Variants in MED13 observed in about 807,000 individuals in gnomAD.
MED13 encodes the protein mediator of RNA polymerase II transcription subunit 13.
Under a neutral mutation model 225.2 loss-of-function variants are expected in MED13, and 23 were observed. The observed-to-expected ratio is 0.10, with a 90% CI of 0.07 to 0.14. The LOEUF is 0.14. MED13 is among the 10% of genes least tolerant of loss of function. MED13 has a pLI of 1.00. For missense variants in MED13, 2,197 were observed against 2,594.5 expected (o/e 0.85, Z 3.33); for synonymous variants, 942 against 889.2 (o/e 1.06, Z -1.06).
At chr17:62,006,113 C>A (rs1023879266) in intron 9 of MED13, 5 of 151,796 alleles carry the variant, frequency 3.3e-5, no homozygotes, top group Non-Finnish European at 7.4e-5. Flanking sequence ...AAGTTCACAG[C>A]CTACAATATG....
intron 3 of MED13, 117 bp from the exon 4 acceptor site, chr17:62,035,725 C>A: frequency 1.1e-6 from 1 of 938,972 alleles, no homozygotes; most frequent in Non-Finnish European, 1.5e-6. Flanking sequence ...AAAAATTCTA[C>A]TTCATCAGAA....
chr17:61,945,632 CCAT>C lies in MED13; in HGVS notation c.*833_*835del, dbSNP rs1231781561. ...ACCTAACAATACCACTTGTATATTG[CCAT>C]CATGTTATTCTGTAAAGATGTGATA... is the stretch of plus-strand genomic sequence containing the variant. On this transcript the variant is annotated 3_prime_UTR_variant, in exon 30 of 30. Coordinates refer to ENST00000397786, the MANE Select transcript of MED13 (RefSeq NM_005121.3). The C allele has an allele frequency of 5.9e-5, 9 of 152,490 alleles. No homozygotes were observed. The highest frequency in any genetic ancestry group is 2.2e-4 in the African/African-American group (9 of 41,396). The allele number at this position is 152,490 out of a possible 1,614,324, so 9.4% of individuals were successfully genotyped here.
chr17:62,026,292 A>T (rs1021143471), intron 8 of MED13, among the ~76,000 whole-genome samples: 2 of 152,142 alleles, frequency 1.3e-5, no homozygotes, highest in African/African-American at 2.4e-5. Context: ...TCTTCTACCA[A>T]TCATTCAACC....
At chr17:62,008,257 G>A (rs1485203929) in intron 9 of MED13, among the ~76,000 whole-genome samples, 1 of 146,216 alleles carries the variant, frequency 6.8e-6, no homozygotes, top group Non-Finnish European at 1.5e-5. Context: ...GGCGGAGCTT[G>A]CAGTGAGCAG....
At position 61,944,219 on chromosome 17, in the gene MED13, A is replaced by G. The variant is rs1361537919; in HGVS notation, c.*2249T>C. ...CCTGTCAGGGAATAATTTTAAATCT[A>G]CTTTCAAATTGAGGTGTGGTTATCA... is the stretch of plus-strand genomic sequence containing the variant. On this transcript the variant is annotated 3_prime_UTR_variant, in exon 30 of 30. Transcript: ENST00000397786. 1.3e-5 allele frequency: 2 copies of G among 152,548 alleles called. No homozygotes were observed. The highest frequency in any genetic ancestry group is 4.8e-5 in the African/African-American group (2 of 41,426). The allele number at this position is 152,548 out of a possible 1,614,324, so 9.4% of individuals were successfully genotyped here. A position where few individuals can be genotyped will look rare whatever the true frequency, so the allele number is the denominator to read the frequency against.
chr17:61,956,257 C>A, intron 24 of MED13, 82 bp downstream of exon 24: 2 of 1,325,716 alleles, frequency 1.5e-6, no homozygotes, highest in Non-Finnish European at 2.0e-6. Flanking sequence ...TTTTATTCAA[C>A]ATATATACCT....
Position 61,968,121 on chromosome 17 carries a change from T to C in MED13, c.4105A>G (p.Ile1369Val). The change falls in exon 18 of 30, where the codon ATA (isoleucine) becomes GTA (valine). Residue 1369 changes from isoleucine to valine, a missense_variant. Ile to Val is a conservative substitution (Grantham distance 29). Coordinates refer to ENST00000397786, the MANE Select transcript of MED13 (RefSeq NM_005121.3). The stretch of plus-strand genomic sequence containing the variant: ...TCTGGACACAGTACAACATAGGCTA[T>C]ATCTCTTTGAGATCCATAGGGTTCC... The part of the protein sequence containing the change: ...MLEPYGSQRD[I>V]AYVVLCPENE... 2 of 1,614,078 alleles carry C rather than the reference T, an allele frequency of 1.2e-6. No homozygotes were observed. The highest frequency in any genetic ancestry group is 8.5e-7 in the Non-Finnish European group (1 of 1,179,986).
At chr17:62,050,024 T>C (rs948630673) in intron 3 of MED13, among the ~76,000 whole-genome samples, 3 of 151,840 alleles carry the variant, frequency 2.0e-5, no homozygotes, top group Admixed American at 1.3e-4. Flanking sequence ...TAAACAAATA[T>C]TGTTTTTACC....
intron 17 of MED13, 109 bp downstream of exon 17, chr17:61,972,618 A>T: frequency 1.9e-6 from 2 of 1,064,312 alleles, no homozygotes; most frequent in Non-Finnish European, 2.7e-6. Flanking sequence ...GGCCTTAAGA[A>T]TATATCACAA....
intron 9 of MED13, among the ~76,000 whole-genome samples, chr17:61,995,878 A>AT (rs1440015590): frequency 6.6e-6 from 1 of 152,164 alleles, no homozygotes; most frequent in Non-Finnish European, 1.5e-5. Context: ...TTTCATGAAA[A>AT]TAGCATTATT....
intron 3 of MED13, among the ~76,000 whole-genome samples, chr17:62,048,045 T>TATACATATATATAC (rs200841910): frequency 7.6e-6 from 1 of 131,822 alleles, no homozygotes; most frequent in Admixed American, 7.7e-5. Context: ...TACATATACA[T>TATACATATATATAC]ATATATATAT....
intron 2 of MED13, among the ~76,000 whole-genome samples, chr17:62,058,504 G>A (rs2081012488): frequency 1.6e-5 from 2 of 124,448 alleles, no homozygotes; most frequent in Admixed American, 2.0e-4. Flanking sequence ...CTGGGAGACA[G>A]AGCGAGACTT....
rs770789831 is a variant in MED13 at position 61,966,487 on chromosome 17, A to G, written c.4356T>C (p.Tyr1452=). The change falls in exon 19 of 30, where the codon TAT becomes TAC. Residue 1452 remains tyrosine, a synonymous_variant. Coordinates refer to ENST00000397786, the MANE Select transcript of MED13 (RefSeq NM_005121.3). ...CTAGGTCATATCTGCAGACTTGTGC[A>G]TAAAGCTTGAGTTTAGAAAATGCTT... ...NNEAFSKLKL[Y]AQVCRYDLGP... is the part of the protein sequence containing the mutation. 1 of 1,613,484 alleles carries G rather than the reference A, an allele frequency of 6.2e-7. No homozygotes were observed. The highest frequency in any genetic ancestry group is 8.5e-7 in the Non-Finnish European group (1 of 1,179,700).
intron 2 of MED13, among the ~76,000 whole-genome samples, chr17:62,061,485 T>TAA (rs1162902899): frequency 6.6e-6 from 1 of 152,244 alleles, no homozygotes; most frequent in African/African-American, 2.4e-5. Context: ...TCTGCCAACT[T>TAA]TATTAAGAAG....
intron 26 of MED13, chr17:61,955,167 T>A: frequency 2.7e-6 from 1 of 364,228 alleles, no homozygotes. Flanking sequence ...TAGTCAAACC[T>A]CCTTCTGCCT....
At chr17:62,064,860 T>A (rs2081068725) in intron 1 of MED13, among the ~76,000 whole-genome samples, 3 of 152,178 alleles carry the variant, frequency 2.0e-5, no homozygotes, top group Admixed American at 2.0e-4. Context: ...GTTACTGTCC[T>A]GCCAGATAAG....
At chr17:62,001,051 T>C (rs1603400187) in intron 9 of MED13, among the ~76,000 whole-genome samples, 1 of 152,124 alleles carries the variant, frequency 6.6e-6, no homozygotes, top group Admixed American at 6.6e-5. Flanking sequence ...CGTGAGTCAC[T>C]GCGCCCAGCC....
intron 8 of MED13, among the ~76,000 whole-genome samples, chr17:62,011,945 G>A (rs746073835): frequency 2.0e-5 from 3 of 152,176 alleles, no homozygotes; most frequent in Non-Finnish European, 2.9e-5. Context: ...GGCTGGGCAT[G>A]GTGGCTGACA....
chr17:61,952,949 C>T lies in MED13; in HGVS notation c.6117+16G>A, dbSNP rs747876910. 2.5e-6 allele frequency: 4 copies of T among 1,608,042 alleles called. No individual in the cohort carries two copies. Among genetic ancestry groups the T allele is most frequent in the Non-Finnish European group, 2.5e-6 (3 of 1,178,302 alleles). Reference sequence around the variant, plus strand: ...TGCGCCCGGCCGAGAAAAACTAAAACTTGTAACACAGTTACCTTGCCCGCA... The same window carrying T: ...TGCGCCCGGCCGAGAAAAACTAAAATTTGTAACACAGTTACCTTGCCCGCA... On this transcript the variant is annotated intron_variant, in intron 27 of 29. Coordinates refer to ENST00000397786, the MANE Select transcript of MED13 (RefSeq NM_005121.3).
Sources: allele counts gnomAD v4.1 joint callset (sites outside exome capture counted in the v4.1 genomes callset), GRCh38; gene constraint gnomAD v4.1.1; transcripts MANE v1.5; gene names NCBI Gene and HGNC (gene_info 2026-07-23, HGNC 2026-07-21).